Variants in NEDD4L observed in about 807,000 individuals in gnomAD.
NEDD4L encodes E3 ubiquitin-protein ligase NEDD4-like.
In NEDD4L, 54 loss-of-function variants were observed where a neutral mutation model predicts 148.9. The observed-to-expected ratio is 0.36, with a 90% CI of 0.29 to 0.45. The LOEUF is 0.45. Ranked by LOEUF, NEDD4L falls within the 20% of genes least tolerant of loss-of-function variation. The pLI, the probability that NEDD4L is intolerant of heterozygous loss-of-function variation, is 1.00. For synonymous variants in NEDD4L, 433 were observed against 440.7 expected (o/e 0.98, Z 0.22); for missense variants, 856 against 1,233.8 (o/e 0.69, Z 4.59).
chr18:58,300,888 A>AT (rs1468553001), intron 5 of NEDD4L, among the ~76,000 whole-genome samples: 2 of 152,246 alleles, frequency 1.3e-5, no homozygotes, highest in African/African-American at 4.8e-5. Flanking sequence ...TTATTAGAGA[A>AT]TTTTTTTCAG....
rs368431138 is a variant in NEDD4L, at chr18:58,289,886, T to G, written c.298-26096T>G. 4.6e-5 allele frequency among the ~76,000 whole-genome samples: 7 copies of G among 152,332 alleles called. No homozygotes were observed. The East Asian group carries it at 9.6e-4, about 21-fold the overall frequency. ...CCTTAATTGTGCTCAAGGATCAGGG[T>G]CTCACCCCAGCATTGTATACCATTG... On this transcript the variant is annotated intron_variant, in intron 5 of 30. Transcript: ENST00000400345.
intron 18 of NEDD4L, among the ~76,000 whole-genome samples, chr18:58,353,837 C>T (rs575227644): frequency 3.2e-4 from 48 of 152,302 alleles, no homozygotes; most frequent in African/African-American, 1.1e-3. Flanking sequence ...ACGTATGCCA[C>T]AATGCCGTGA....
At chr18:58,310,755 C>T (rs2057594824) in intron 5 of NEDD4L, among the ~76,000 whole-genome samples, 4 of 152,292 alleles carry the variant, frequency 2.6e-5, no homozygotes, top group Non-Finnish European at 1.5e-5. Context: ...CCAAAGCTGG[C>T]GTCATGCATT....
chr18:58,209,176 G>GC (rs2042260469), intron 2 of NEDD4L, among the ~76,000 whole-genome samples: 1 of 17,134 alleles, frequency 5.8e-5, no homozygotes, highest in African/African-American at 1.2e-4. Context: ...CCCTCATCCT[G>GC]CCCCCCTCCT....
intron 5 of NEDD4L, among the ~76,000 whole-genome samples, chr18:58,285,543 A>C (rs1263725190): frequency 6.6e-6 from 1 of 152,148 alleles, no homozygotes; most frequent in East Asian, 1.9e-4. Context: ...AGCTATACAA[A>C]GGTGGTTGAG....
chr18:58,048,848 C>A (rs1243750235), intron 1 of NEDD4L, among the ~76,000 whole-genome samples: 1 of 152,184 alleles, frequency 6.6e-6, no homozygotes, highest in Non-Finnish European at 1.5e-5. Context: ...TTGCAGTCAC[C>A]ACTACTTTCT....
intron 16 of NEDD4L, among the ~76,000 whole-genome samples, chr18:58,346,798 C>T (rs2043128828): frequency 6.6e-6 from 1 of 152,156 alleles, no homozygotes. Context: ...TGCGTTGGAT[C>T]ATTTATTTTC....
Position 58,279,123 on chromosome 18 carries a change from C to T in NEDD4L, c.297+27069C>T, listed in dbSNP as rs11659354. 8.7e-3 allele frequency among the ~76,000 whole-genome samples: 1,319 copies of T among 152,168 alleles called. 13 individuals are homozygous for T. The highest frequency in any genetic ancestry group is 0.013 in the Non-Finnish European group (876 of 68,000). ...AACGCCTGGCCTCAAGTGATCCGCC[C>T]ACCTTGGCCTCCCAAAGTGCTGGGA... On this transcript the variant is annotated intron_variant, in intron 5 of 30. Coordinates refer to ENST00000400345, the MANE Select transcript of NEDD4L (RefSeq NM_001144967.3).
intron 5 of NEDD4L, among the ~76,000 whole-genome samples, chr18:58,298,640 A>G (rs535155667): frequency 6.6e-6 from 1 of 152,058 alleles, no homozygotes; most frequent in Non-Finnish European, 1.5e-5. Context: ...AACATGTTTG[A>G]GGGCTGGGTG....
chr18:58,054,003 T>C (rs1598949234), intron 1 of NEDD4L, among the ~76,000 whole-genome samples: 1 of 152,348 alleles, frequency 6.6e-6, no homozygotes, highest in East Asian at 1.9e-4. Context: ...TCAGAGGTAA[T>C]GTAGGAGATG....
At chr18:58,073,980 A>G (rs2083027572) in intron 1 of NEDD4L, among the ~76,000 whole-genome samples, 1 of 152,176 alleles carries the variant, frequency 6.6e-6, no homozygotes, top group South Asian at 2.1e-4. Flanking sequence ...GGGCATTTGT[A>G]CCTTATGTAG....
chr18:58,197,467 C>G (rs1309120453), intron 2 of NEDD4L, among the ~76,000 whole-genome samples: 2 of 152,170 alleles, frequency 1.3e-5, no homozygotes, highest in African/African-American at 2.4e-5. Flanking sequence ...TTGACGTGCC[C>G]TTCTCCTGAA....
intron 2 of NEDD4L, among the ~76,000 whole-genome samples, chr18:58,174,446 C>T (rs944659404): frequency 6.6e-6 from 1 of 152,084 alleles, no homozygotes; most frequent in Non-Finnish European, 1.5e-5. Flanking sequence ...GGGGTTTCAC[C>T]GGGGACCCGC....
intron 5 of NEDD4L, among the ~76,000 whole-genome samples, chr18:58,285,553 G>A (rs1171064656): frequency 1.3e-5 from 2 of 152,100 alleles, no homozygotes; most frequent in Non-Finnish European, 2.9e-5. Context: ...AGGTGGTTGA[G>A]TTTCAGGTTA....
intron 1 of NEDD4L, among the ~76,000 whole-genome samples, chr18:58,120,789 A>G (rs2086192293): frequency 6.6e-6 from 1 of 152,130 alleles, no homozygotes; most frequent in Non-Finnish European, 1.5e-5. Context: ...CAAAAAAAAG[A>G]AAAAAAGTCC....
rs377605597 is a variant in NEDD4L at position 58,205,021 on chromosome 18, C to T, written c.122+39160C>T. 2.0e-5 allele frequency among the ~76,000 whole-genome samples: 3 copies of T among 152,314 alleles called. No homozygotes were observed. The East Asian group carries it at 5.8e-4, about 29-fold the overall frequency. On this transcript the variant is annotated intron_variant, in intron 2 of 30. Transcript: ENST00000400345. ...ACATCCAGTAGTCTGTGAGCATCTC[C>T]ATATGGGATGTTTGGGTTGAGAGTT...
chr18:58,314,852 G>A (rs945787320), intron 5 of NEDD4L, among the ~76,000 whole-genome samples: 2 of 152,130 alleles, frequency 1.3e-5, no homozygotes, highest in Non-Finnish European at 2.9e-5. Context: ...GAATTCCTAC[G>A]CTTGGAGCAA....
intron 23 of NEDD4L, among the ~76,000 whole-genome samples, chr18:58,372,960 A>G (rs373996481): frequency 5.3e-5 from 8 of 152,346 alleles, no homozygotes; most frequent in African/African-American, 1.9e-4. Context: ...CACTAAGGAC[A>G]GGATTTAACT....
chr18:58,256,290 C>G lies in NEDD4L; in HGVS notation c.297+4236C>G. The G allele has an allele frequency of 8.1e-7, 1 of 1,231,572 alleles. No individual in the cohort carries two copies. 76.3% of individuals were successfully genotyped at this position (1,231,572 alleles called of 1,614,324 possible). ...CTGGGCCCCGATGGCCAGGGCGGCC[C>G]GGCCGCGGCAGAGCCCAGGCGCTGG... On this transcript the variant is annotated intron_variant, in intron 5 of 30. Coordinates refer to ENST00000400345, the MANE Select transcript of NEDD4L (RefSeq NM_001144967.3). This position sits in a 1 kb window ranked among gnomAD's most constrained non-coding sequence, Gnocchi z 5.2.
Sources: gnomAD v4.1 joint callset for allele counts (sites outside exome capture counted in the v4.1 genomes callset) on GRCh38, gnomAD v4.1.1 for gene constraint, Gnocchi (gnomAD v3.1) non-coding constraint, MANE v1.5 for transcripts, NCBI Gene and HGNC (gene_info 2026-07-23, HGNC 2026-07-21) for gene names.